The following MOB1B variants were observed in gnomAD, a reference collection of about 807,000 sequenced individuals.
MOB1B encodes MOB1 Mps One Binder homolog B.
A neutral mutation model predicts 24.4 loss-of-function variants in MOB1B; 19 were observed. The ratio of observed to expected loss-of-function variants is 0.78; its 90% CI spans 0.54 to 1.14. The LOEUF is 1.14. MOB1B is among the 50% of genes most tolerant of loss of function. The pLI is 0.00. For missense variants in MOB1B, 243 were observed against 259.6 expected, an observed-to-expected ratio of 0.94 and a Z score of 0.44; for synonymous variants, 76 against 82.1, an observed-to-expected ratio of 0.93 and a Z score of 0.40.
At chr4:70,960,243 A>G (rs544788659) in intron 2 of MOB1B, among the ~76,000 whole-genome samples, 3 of 152,280 alleles carry the variant, frequency 2.0e-5, no homozygotes, top group East Asian at 3.9e-4. Context: ...AGTAAAATAT[A>G]TTTATGAGAT....
intron 1 of MOB1B, among the ~76,000 whole-genome samples, chr4:70,931,786 A>C (rs1279756995): frequency 6.6e-6 from 1 of 152,146 alleles, no homozygotes; most frequent in African/African-American, 2.4e-5. Context: ...GCTGGAGTGC[A>C]GTGGGGCGAT....
chr4:70,945,579 A>G (rs1477148075), intron 1 of MOB1B, among the ~76,000 whole-genome samples: 2 of 152,184 alleles, frequency 1.3e-5, no homozygotes, highest in Non-Finnish European at 2.9e-5. Flanking sequence ...TGTCTAAAGT[A>G]TTTGCTGTAC....
intron 1 of MOB1B, among the ~76,000 whole-genome samples, chr4:70,931,605 A>C (rs1012614095): frequency 2.6e-5 from 4 of 152,156 alleles, no homozygotes; most frequent in African/African-American, 7.2e-5. Context: ...TTTTTAGATG[A>C]AATATTTGCT....
At chr4:70,932,258 A>C (rs975291308) in intron 1 of MOB1B, among the ~76,000 whole-genome samples, 1 of 152,174 alleles carries the variant, frequency 6.6e-6, no homozygotes, top group Non-Finnish European at 1.5e-5. Context: ...ATCATCCATC[A>C]TGTAGATTAT....
At chr4:70,965,979 C>G (rs28810142) in intron 2 of MOB1B, among the ~76,000 whole-genome samples, 6,898 of 151,930 alleles carry the variant, frequency 0.045, 295 homozygotes, top group African/African-American at 0.11. Context: ...AAACTGTAAT[C>G]TATTTAAAAA....
intron 1 of MOB1B, among the ~76,000 whole-genome samples, chr4:70,947,995 C>G (rs1232210578): frequency 1.3e-5 from 2 of 152,144 alleles, no homozygotes; most frequent in Non-Finnish European, 2.9e-5. Context: ...AAACTCATCA[C>G]CAAATTCAAG....
intron 1 of MOB1B, among the ~76,000 whole-genome samples, chr4:70,949,481 C>T (rs1737715799): frequency 2.0e-5 from 3 of 152,096 alleles, no homozygotes; most frequent in South Asian, 4.2e-4. Flanking sequence ...TTTCTGAAAG[C>T]GTGGATGAAA....
intron 1 of MOB1B, among the ~76,000 whole-genome samples, chr4:70,907,894 C>T (rs911074868): frequency 4.6e-5 from 7 of 152,120 alleles, no homozygotes; most frequent in African/African-American, 1.7e-4. Flanking sequence ...AGTCCTCCCA[C>T]CTCAACCTCC....
At chr4:70,942,588 T>C (rs935749928) in intron 1 of MOB1B, among the ~76,000 whole-genome samples, 3 of 152,194 alleles carry the variant, frequency 2.0e-5, no homozygotes, top group South Asian at 4.1e-4. Context: ...TAGTTTTTAA[T>C]TGAAATAAAA....
At chr4:70,936,666 T>C (rs1215690289) in intron 1 of MOB1B, among the ~76,000 whole-genome samples, 3 of 152,198 alleles carry the variant, frequency 2.0e-5, no homozygotes, top group African/African-American at 7.2e-5. Flanking sequence ...TTGGATTTCC[T>C]GTTTCTTTGA....
At chr4:70,971,869 C>G (rs1042480612) in intron 3 of MOB1B, among the ~76,000 whole-genome samples, 15 of 152,114 alleles carry the variant, frequency 9.9e-5, no homozygotes, top group African/African-American at 3.6e-4. Flanking sequence ...GTGTGGTCTC[C>G]TGCCTGCGTG....
chr4:70,978,805 C>T (rs1278413322), intron 4 of MOB1B, among the ~76,000 whole-genome samples: 1 of 152,102 alleles, frequency 6.6e-6, no homozygotes, highest in Non-Finnish European at 1.5e-5. Flanking sequence ...CTTAAGAAAT[C>T]CGATGATCTG....
intron 1 of MOB1B, among the ~76,000 whole-genome samples, chr4:70,949,373 A>G (rs564794041): frequency 2.6e-5 from 4 of 152,336 alleles, no homozygotes; most frequent in South Asian, 2.1e-4. Flanking sequence ...TATCTTTTCA[A>G]TACTCATAGC....
chr4:70,959,088 C>T (rs774933325), intron 2 of MOB1B, 48 bp downstream of exon 2: 1 of 1,528,690 alleles, frequency 6.5e-7, no homozygotes, highest in Non-Finnish European at 9.0e-7. Flanking sequence ...AGGGTAATAG[C>T]CTCATTGTTG....
chr4:70,905,934 G>A (rs776933797), intron 1 of MOB1B, among the ~76,000 whole-genome samples: 10 of 151,984 alleles, frequency 6.6e-5, no homozygotes, highest in Non-Finnish European at 8.8e-5. Flanking sequence ...AGGTGTGGTG[G>A]TGTGAGCCTG....
chr4:70,906,382 G>GA (rs1322090631), intron 1 of MOB1B, among the ~76,000 whole-genome samples: 1 of 151,778 alleles, frequency 6.6e-6, no homozygotes, highest in African/African-American at 2.4e-5. Context: ...CTCAAAAAAA[G>GA]AAAAAAAATC....
At chr4:70,917,008 G>A (rs189782583) in intron 1 of MOB1B, among the ~76,000 whole-genome samples, 1 of 152,298 alleles carries the variant, frequency 6.6e-6, no homozygotes, top group Non-Finnish European at 1.5e-5. Context: ...TGTAACAGTA[G>A]CTTTTACAGT....
Position 70,958,922 on chromosome 4 carries a change from G to C in MOB1B, c.63G>C (p.Glu21Asp). The C allele has an allele frequency of 6.2e-7, 1 of 1,614,000 alleles. No homozygotes were observed. Among genetic ancestry groups the C allele is most frequent in the African/African-American group, 1.3e-5 (1 of 75,000 alleles). Reference sequence around the variant, plus strand: ...TTAAACCAAAGAAGAACATTCCAGAGGGTTCTCACCAGTATGAGCTCTTAA... The same window carrying C: ...TTAAACCAAAGAAGAACATTCCAGACGGTTCTCACCAGTATGAGCTCTTAA... The part of the protein sequence containing the change: ...KTFKPKKNIP[E>D]GSHQYELLKH... Residue 21 changes from glutamate (E) to aspartate (D), a missense_variant, in exon 2 of 6, where the codon GAG (glutamate) becomes GAC (aspartate). Physicochemically the swap from Glu to Asp is conservative, Grantham distance 45 (BLOSUM62 2). Transcript: ENST00000309395.
intron 5 of MOB1B, among the ~76,000 whole-genome samples, chr4:70,980,280 G>A (rs1016484619): frequency 2.6e-5 from 4 of 152,126 alleles, no homozygotes; most frequent in Admixed American, 2.0e-4. Context: ...CCAGAACTCA[G>A]GAACAAAGAA....
Sources: gnomAD v4.1 joint callset for allele counts (sites outside exome capture counted in the v4.1 genomes callset) on GRCh38, gnomAD v4.1.1 for gene constraint, MANE v1.5 for transcripts, NCBI Gene and HGNC (gene_info 2026-07-23, HGNC 2026-07-21) for gene names.